Variants in CILK1 observed in about 807,000 individuals in gnomAD.
CILK1 encodes the protein ciliogenesis associated kinase 1.
Under a neutral mutation model 79.2 loss-of-function variants are expected in CILK1, and 47 were observed. The ratio of observed to expected loss-of-function variants is 0.59; its 90% CI spans 0.47 to 0.76. The LOEUF (loss-of-function observed/expected upper bound fraction) is 0.76. Ranked by LOEUF, CILK1 falls within the 30% of genes least tolerant of loss-of-function variation. The pLI is 0.00. For missense variants in CILK1, 660 were observed against 769.5 expected, an observed-to-expected ratio of 0.86 and a Z score of 1.68; for synonymous variants, 266 against 275.9, an observed-to-expected ratio of 0.96 and a Z score of 0.36.
chr6:53,012,320 A>G, intron 9 of CILK1, 93 bp from the exon 10 acceptor site: 1 of 1,177,952 alleles, frequency 8.5e-7, no homozygotes, highest in Non-Finnish European at 1.2e-6. Flanking sequence ...CTGCTATGCA[A>G]AGGAGGCTCC....
chr6:53,011,521 C>T (rs1764567984), intron 11 of CILK1, among the ~76,000 whole-genome samples: 1 of 152,174 alleles, frequency 6.6e-6, no homozygotes, highest in Admixed American at 6.5e-5. Flanking sequence ...ATCGCTTGAA[C>T]CCAGGAGGTG....
intron 7 of CILK1, among the ~76,000 whole-genome samples, chr6:53,017,001 T>C (rs1764928925): frequency 6.6e-6 from 1 of 152,228 alleles, no homozygotes; most frequent in Non-Finnish European, 1.5e-5. Context: ...GATCCAAAAA[T>C]GATCCAATAT....
At chr6:53,007,777 A>C (rs1358444937) in intron 12 of CILK1, among the ~76,000 whole-genome samples, 3 of 145,902 alleles carry the variant, frequency 2.1e-5, no homozygotes, top group African/African-American at 7.6e-5. Context: ...TAAAAATACA[A>C]AAAAAAAAAA....
In CILK1 at chr6:53,011,845, T is replaced by A. The variant is rs773410362; in HGVS notation, c.1416A>T (p.Ser472=). 1.2e-6 allele frequency: 2 copies of A among 1,614,090 alleles called. No individual in the cohort carries two copies. Among genetic ancestry groups the A allele is most frequent in the Admixed American group, 3.3e-5 (2 of 60,008 alleles). The part of the protein sequence containing the change: ...GTGNSAPTQT[S]YQRRDTPTLR... ...GGGTGGGCGTGTCTCGCCGCTGATA[T>A]GACGTCTGGGTGGGGGCACTGTTTC... The change falls in exon 11 of 14, where the codon TCA becomes TCT. Residue 472 remains serine (S), a synonymous_variant. Transcript: ENST00000676107.
At position 53,003,506 on chromosome 6, in the gene CILK1, G is replaced by C. The variant is rs1764040909; in HGVS notation, c.*1643C>G. The C allele has an allele frequency of 6.6e-6, 1 of 152,194 alleles. No individual in the cohort carries two copies. The highest frequency in any genetic ancestry group is 2.4e-5 in the African/African-American group (1 of 41,438). 9.4% of individuals were successfully genotyped at this position (152,194 alleles called of 1,614,324 possible). On this transcript the variant is annotated 3_prime_UTR_variant, in exon 14 of 14. Coordinates refer to ENST00000676107, the MANE Select transcript of CILK1 (RefSeq NM_014920.5). ...TGTAATCCCAGTACTTTGGGAGGTG[G>C]AGGAGGGTGGATCACGAGGTCAGGA...
intron 12 of CILK1, among the ~76,000 whole-genome samples, chr6:53,007,311 G>A (rs963152662): frequency 1.3e-5 from 2 of 152,174 alleles, no homozygotes; most frequent in African/African-American, 4.8e-5. Flanking sequence ...GAGGAGTTGC[G>A]TTGGTCAGCT....
At chr6:53,018,938 G>T (rs1765054767) in intron 6 of CILK1, among the ~76,000 whole-genome samples, 1 of 152,130 alleles carries the variant, frequency 6.6e-6, no homozygotes, top group South Asian at 2.1e-4. Flanking sequence ...TCTCAGACAG[G>T]TCTTTGCAGA....
chr6:53,045,555 C>A (rs1767009215), intron 1 of CILK1, among the ~76,000 whole-genome samples: 1 of 152,110 alleles, frequency 6.6e-6, no homozygotes, highest in Non-Finnish European at 1.5e-5. Flanking sequence ...ATTTGCCCAA[C>A]TATAGGCCAA....
chr6:53,019,529 A>G (rs1055982828), intron 5 of CILK1, among the ~76,000 whole-genome samples, 170 bp from the exon 6 acceptor site: 8 of 152,246 alleles, frequency 5.3e-5, no homozygotes, highest in African/African-American at 1.9e-4. Context: ...CGAACTTCTC[A>G]TAGGATTACT....
intron 1 of CILK1, among the ~76,000 whole-genome samples, chr6:53,052,883 G>C (rs1262242901): frequency 6.6e-6 from 1 of 151,722 alleles, no homozygotes; most frequent in Non-Finnish European, 1.5e-5. Flanking sequence ...CTTCAGGCTG[G>C]GCGTGTGCTC....
At chr6:53,052,209 A>G (rs997829974) in intron 1 of CILK1, among the ~76,000 whole-genome samples, 2 of 152,186 alleles carry the variant, frequency 1.3e-5, no homozygotes, top group Admixed American at 1.3e-4. Flanking sequence ...AGCTTCATCC[A>G]TGTCCCTGCA....
At position 53,003,892 on chromosome 6, in the gene CILK1, T is replaced by A. The variant is rs1323201130; in HGVS notation, c.*1257A>T. On this transcript the variant is annotated 3_prime_UTR_variant, in exon 14 of 14. Transcript: ENST00000676107. ...CTCTTGCCTTTAAGGCAACCATAAG[T>A]GAGGCAAATGTACCATATAGAGATG... 1 of 152,636 alleles carries A rather than the reference T, an allele frequency of 6.6e-6. No individual in the cohort carries two copies. Among genetic ancestry groups the A allele is most frequent in the Non-Finnish European group, 1.5e-5 (1 of 68,050 alleles). 9.5% of individuals were successfully genotyped at this position (152,636 alleles called of 1,614,324 possible). A position where few individuals can be genotyped will look rare whatever the true frequency, so the allele number is the denominator to read the frequency against.
At chr6:53,020,533 CAT>C (rs1437767009) in intron 5 of CILK1, among the ~76,000 whole-genome samples, 16 of 152,312 alleles carry the variant, frequency 1.1e-4, no homozygotes, top group African/African-American at 3.6e-4. Context: ...CAACCTGACA[CAT>C]AAAGAAATTG....
chr6:53,051,291 T>C (rs901736529), intron 1 of CILK1, among the ~76,000 whole-genome samples: 1 of 152,248 alleles, frequency 6.6e-6, no homozygotes, highest in Non-Finnish European at 1.5e-5. Flanking sequence ...TACAAAGTTT[T>C]CCTTGTCAGT....
Position 53,005,218 on chromosome 6 carries a change from T to A in CILK1, c.1830A>T (p.Pro610=), listed in dbSNP as rs1352537973. 6.2e-7 allele frequency: 1 copy of A among 1,614,090 alleles called. No homozygotes were observed. The highest frequency in any genetic ancestry group is 8.5e-7 in the Non-Finnish European group (1 of 1,180,020). ...GCACTGGCTGGGCGGCTGGAGGCCG[T>A]GGTATCAACCCAGGAGTGCTTCTAG... ...TQPRSTPGLI[P]RPPAAQPVHG... Residue 610 remains proline (P), a synonymous_variant, in exon 14 of 14, where the codon CCA becomes CCT. Transcript: ENST00000676107.
chr6:53,049,030 A>G (rs915879300), intron 1 of CILK1, among the ~76,000 whole-genome samples: 5 of 152,242 alleles, frequency 3.3e-5, no homozygotes, highest in Non-Finnish European at 5.9e-5. Flanking sequence ...ATGAGACATC[A>G]GCTCTAAAGA....
Position 53,041,190 on chromosome 6 carries a change from CCGTA to C in CILK1, c.43_46del (p.Tyr15ValfsTer14). ...AATGCTTCTTCCCAGCAGGACGGAACCGTAGGTTCCATCCCCGAGCTGCCTGATT... is the reference window on the plus strand; with the variant it reads ...AATGCTTCTTCCCAGCAGGACGGAACGGTTCCATCCCCGAGCTGCCTGATT... On this transcript the variant is annotated frameshift_variant, in exon 2 of 14. Transcript: ENST00000676107. LOFTEE classifies it high-confidence loss of function. The C allele has an allele frequency of 6.2e-7, 1 of 1,614,052 alleles. No homozygotes were observed. Among genetic ancestry groups the C allele is most frequent in the Non-Finnish European group, 8.5e-7 (1 of 1,179,954 alleles).
intron 7 of CILK1, 96 bp from the exon 8 acceptor site, chr6:53,016,346 GTCATTACCCACCCACAT>G: frequency 8.4e-7 from 1 of 1,183,968 alleles, no homozygotes; most frequent in Non-Finnish European, 1.3e-6. Flanking sequence ...AGGCAACCAT[GTCATTACCCACCCACAT>G]TCATTAACCA....
At chr6:53,024,591 C>G (rs1461450126) in intron 5 of CILK1, among the ~76,000 whole-genome samples, 1 of 152,138 alleles carries the variant, frequency 6.6e-6, no homozygotes, top group Non-Finnish European at 1.5e-5. Context: ...GTCAACGCAC[C>G]TGTGACCTCT....
Sources: gnomAD v4.1 joint callset for allele counts (sites outside exome capture counted in the v4.1 genomes callset) on GRCh38, gnomAD v4.1.1 for gene constraint, MANE v1.5 for transcripts, NCBI Gene and HGNC (gene_info 2026-07-23, HGNC 2026-07-21) for gene names.